DLGAP1: variants seen among roughly 807,000 people sequenced by gnomAD.
DLGAP1 encodes the protein disks large-associated protein 1.
DLGAP1 carries 11 observed loss-of-function variants against 90.8 expected under a neutral mutation model. That is an observed-to-expected ratio of 0.12 (90% CI 0.08 to 0.20). The LOEUF is 0.20. Among genes scored for constraint, DLGAP1 ranks in the 10% least tolerant of loss-of-function variants. The pLI, the probability that DLGAP1 is intolerant of heterozygous loss-of-function variation, is 1.00. For missense variants in DLGAP1, 1,050 were observed against 1,333.8 expected (o/e 0.79, Z 3.31); for synonymous variants, 558 against 540.7 (o/e 1.03, Z -0.44).
At chr18:3,506,272 C>T (rs192062157) in intron 11 of DLGAP1, among the ~76,000 whole-genome samples, 8 of 149,694 alleles carry the variant, frequency 5.3e-5, no homozygotes, top group Admixed American at 3.3e-4. Flanking sequence ...CCAACACTTT[C>T]GGTGGCCGAG....
chr18:3,878,840 G>C (rs2071070087), intron 4 of DLGAP1, among the ~76,000 whole-genome samples: 1 of 152,154 alleles, frequency 6.6e-6, no homozygotes, highest in African/African-American at 2.4e-5. Context: ...AGACAAAAGA[G>C]GAAGCCCATA....
At chr18:4,018,777 T>G (rs1036031879) in intron 2 of DLGAP1, among the ~76,000 whole-genome samples, 5 of 152,222 alleles carry the variant, frequency 3.3e-5, no homozygotes, top group Non-Finnish European at 5.9e-5. Context: ...GATATCTGTA[T>G]TATGACTTCG....
At chr18:4,349,496 G>A (rs1378180832) in intron 1 of DLGAP1, among the ~76,000 whole-genome samples, 1 of 152,012 alleles carries the variant, frequency 6.6e-6, no homozygotes, top group East Asian at 1.9e-4. Context: ...CAAGGATCTG[G>A]GGAATAGGAG....
At chr18:4,047,997 C>T (rs1284795088) in intron 2 of DLGAP1, among the ~76,000 whole-genome samples, 1 of 152,068 alleles carries the variant, frequency 6.6e-6, no homozygotes, top group African/African-American at 2.4e-5. Flanking sequence ...CGGGGTCTCA[C>T]TACACTGCCA....
intron 5 of DLGAP1, among the ~76,000 whole-genome samples, chr18:3,797,051 A>C (rs2066025855): frequency 6.6e-6 from 1 of 152,130 alleles, no homozygotes; most frequent in African/African-American, 2.4e-5. Context: ...GAGACACTGG[A>C]GGCCAGGCAC....
intron 4 of DLGAP1, among the ~76,000 whole-genome samples, chr18:3,841,146 A>G (rs2068693439): frequency 6.6e-6 from 1 of 152,216 alleles, no homozygotes; most frequent in Non-Finnish European, 1.5e-5. Context: ...ACATCAGGCT[A>G]CGGTTGAAGA....
At chr18:3,629,589 G>T (rs1217113884) in intron 7 of DLGAP1, among the ~76,000 whole-genome samples, 1 of 151,798 alleles carries the variant, frequency 6.6e-6, no homozygotes, top group Non-Finnish European at 1.5e-5. Flanking sequence ...GGAGAATGGC[G>T]TGAACCCGGG....
intron 7 of DLGAP1, among the ~76,000 whole-genome samples, chr18:3,716,084 C>A (rs1237579466): frequency 6.6e-6 from 1 of 152,124 alleles, no homozygotes; most frequent in African/African-American, 2.4e-5. Flanking sequence ...ATAGCAGCAC[C>A]TTTCTGGAGA....
intron 7 of DLGAP1, among the ~76,000 whole-genome samples, chr18:3,700,874 G>C (rs1323150474): frequency 1.3e-5 from 2 of 151,132 alleles, no homozygotes; most frequent in Non-Finnish European, 2.9e-5. Context: ...CTCCCAAAAT[G>C]GTGGAATTAC....
At chr18:4,133,047 C>G (rs2076342803) in intron 2 of DLGAP1, among the ~76,000 whole-genome samples, 1 of 152,144 alleles carries the variant, frequency 6.6e-6, no homozygotes, top group Admixed American at 6.5e-5. Flanking sequence ...ACTGTTTCAG[C>G]AAGATTTTGT....
intron 9 of DLGAP1, among the ~76,000 whole-genome samples, chr18:3,547,349 A>G (rs1307537542): frequency 6.6e-6 from 1 of 150,928 alleles, no homozygotes; most frequent in African/African-American, 2.4e-5. Context: ...TTTCCAAATC[A>G]TATATTAATA....
At chr18:3,830,233 A>G (rs2067957218) in intron 4 of DLGAP1, among the ~76,000 whole-genome samples, 1 of 152,196 alleles carries the variant, frequency 6.6e-6, no homozygotes, top group Admixed American at 6.5e-5. Context: ...AATGAACAGG[A>G]AAATCTACAG....
At chr18:3,856,799 T>C (rs1313284873) in intron 4 of DLGAP1, among the ~76,000 whole-genome samples, 1 of 151,696 alleles carries the variant, frequency 6.6e-6, no homozygotes, top group African/African-American at 2.4e-5. Flanking sequence ...AGGCAGATCT[T>C]GCAGTGAGCC....
chr18:3,583,246 C>T (rs1334835571), intron 7 of DLGAP1, among the ~76,000 whole-genome samples: 4 of 150,408 alleles, frequency 2.7e-5, no homozygotes, highest in African/African-American at 7.4e-5. Context: ...CTCTCTGTCC[C>T]TCTGTGTTTC....
At chr18:4,134,147 T>C (rs148773385) in intron 2 of DLGAP1, among the ~76,000 whole-genome samples, 1 of 152,224 alleles carries the variant, frequency 6.6e-6, no homozygotes, top group Non-Finnish European at 1.5e-5. Flanking sequence ...TTAACGAAAT[T>C]TCCTAGTCTG....
chr18:3,808,601 C>T (rs777038830), intron 5 of DLGAP1, among the ~76,000 whole-genome samples: 14 of 152,138 alleles, frequency 9.2e-5, no homozygotes, highest in Non-Finnish European at 1.5e-4. Context: ...CTACTTAGAA[C>T]AGAGATGGGA....
At chr18:3,542,372 T>C (rs925366207) in intron 9 of DLGAP1, among the ~76,000 whole-genome samples, 5 of 152,080 alleles carry the variant, frequency 3.3e-5, no homozygotes, top group African/African-American at 1.2e-4. Flanking sequence ...GGCTGGAGAG[T>C]TGATGAGGCA....
At chr18:4,140,203 C>A (rs911773720) in intron 2 of DLGAP1, among the ~76,000 whole-genome samples, 1 of 151,646 alleles carries the variant, frequency 6.6e-6, no homozygotes, top group Admixed American at 6.6e-5. Context: ...TTCCTGTCTT[C>A]CTTTCAGTGA....
At chr18:4,015,666 A>ACAATTTT (rs755309338) in intron 2 of DLGAP1, among the ~76,000 whole-genome samples, 2 of 152,200 alleles carry the variant, frequency 1.3e-5, no homozygotes, top group African/African-American at 2.4e-5. Context: ...TCCTTGTCAG[A>ACAATTTT]CCTAAGTGTC....
Sources: allele counts gnomAD v4.1 joint callset (sites outside exome capture counted in the v4.1 genomes callset), GRCh38; gene constraint gnomAD v4.1.1; transcripts MANE v1.5; gene names NCBI Gene and HGNC (gene_info 2026-07-23, HGNC 2026-07-21).